The following PFKP variants were observed in gnomAD, a reference collection of about 807,000 sequenced individuals.
PFKP encodes the protein phosphofructokinase, platelet.
A neutral mutation model predicts 94.3 loss-of-function variants in PFKP; 101 were observed. The ratio of observed to expected loss-of-function variants is 1.07; its 90% CI spans 0.91 to 1.26. The LOEUF is 1.26. Among genes scored for constraint, PFKP ranks in the 50% most tolerant of loss-of-function variants. The probability of loss-of-function intolerance (pLI) is 0.00; values close to 1 mark genes in which losing one functional copy is unlikely to be tolerated. For synonymous variants in PFKP, 573 were observed against 432.6 expected (o/e 1.32, Z -4.03); for missense variants, 1,145 against 1,103.3 (o/e 1.04, Z -0.53).
intron 13 of PFKP, among the ~76,000 whole-genome samples, chr10:3,114,024 C>G (rs1836536376): frequency 1.1e-5 from 1 of 94,194 alleles, no homozygotes. Context: ...ATTTTCCTCA[C>G]AAGAAAACCG....
In PFKP at chr10:3,119,992, C is replaced by T. The variant is rs371632060; in HGVS notation, c.1631C>T (p.Pro544Leu). 37 of 1,613,818 alleles carry T rather than the reference C, an allele frequency of 2.3e-5. No individual in the cohort carries two copies. The highest frequency in any genetic ancestry group is 1.6e-4 in the Middle Eastern group (1 of 6,084). The change falls in exon 16 of 22, where the codon CCG becomes CTG. Residue 544 changes from proline (P) to leucine (L), a missense_variant. Transcript: ENST00000381125. The stretch of plus-strand genomic sequence containing the variant: ...CCCGCTACTGTGTCCAACAATGTGC[C>T]GGGTTCCGATTTCAGCATCGGGGCA... ...MVPATVSNNV[P>L]GSDFSIGADT... is the part of the protein sequence containing the mutation.
chr10:3,135,972 A>G lies in PFKP; in HGVS notation c.2225+134A>G, dbSNP rs2131754636. 4 of 639,466 alleles carry G rather than the reference A, an allele frequency of 6.3e-6. No homozygotes were observed. The South Asian group carries it at 7.6e-5, about 12-fold the overall frequency. The allele number at this position is 639,466 out of a possible 1,614,324, so 39.6% of individuals were successfully genotyped here. On this transcript the variant is annotated intron_variant, in intron 21 of 21. Coordinates refer to ENST00000381125, the MANE Select transcript of PFKP (RefSeq NM_002627.5). The stretch of plus-strand genomic sequence containing the variant: ...GCTTTTCTGAAGCTCAGTTAAAAAA[A>G]TACTAGGTCTTGGCTGGGCGCGGTG...
chr10:3,105,415 T>C lies in PFKP; in HGVS notation c.688T>C (p.Leu230=). ...HCGYLALVSA[L]ACGADWVFLP... is the part of the protein sequence containing the mutation. Reference sequence around the variant, plus strand: ...TAGGTACCTGGCCCTGGTGAGTGCCTTGGCCTGCGGTGCGGACTGGGTGTT... The same window carrying C: ...TAGGTACCTGGCCCTGGTGAGTGCCCTGGCCTGCGGTGCGGACTGGGTGTT... Residue 230 remains leucine (L), a synonymous_variant, in exon 7 of 22, where the codon TTG becomes CTG. Coordinates refer to ENST00000381125, the MANE Select transcript of PFKP (RefSeq NM_002627.5). The C allele has an allele frequency of 1.2e-6, 2 of 1,613,926 alleles. No individual in the cohort carries two copies. The highest frequency in any genetic ancestry group is 8.5e-7 in the Non-Finnish European group (1 of 1,179,870).
chr10:3,115,423 CATGGAGGACAGGACTGGGGATGCCGGG>C (rs1836718925), intron 13 of PFKP, among the ~76,000 whole-genome samples: 4 of 48,918 alleles, frequency 8.2e-5, no homozygotes, highest in Admixed American at 2.0e-4. Flanking sequence ...TGTGTCCCGC[CATGGAGGACAGGACTGGGGATGCCGGG>C]GTGAAGGTGT....
At chr10:3,116,700 G>A (rs1836858421) in intron 13 of PFKP, 76 bp from the exon 14 acceptor site, 1 of 1,088,360 alleles carries the variant, frequency 9.2e-7, no homozygotes, top group East Asian at 2.4e-5. Flanking sequence ...GAAAAGTACA[G>A]AAAGCTATTT....
chr10:3,115,467 C>CACA lies in PFKP; in HGVS notation c.1372-1309_1372-1308insACA, dbSNP rs1564327703. Among the ~76,000 whole-genome samples the CACA allele has an allele frequency of 1.2e-3, 15 of 13,010 alleles. 5 individuals carry two copies. Among genetic ancestry groups the CACA allele is most frequent in the African/African-American group, 1.7e-3 (13 of 7,646 alleles). The allele number at this position is 13,010 out of a possible 152,430, so 8.5% of individuals were successfully genotyped here. On this transcript the variant is annotated intron_variant, in intron 13 of 21. Coordinates refer to ENST00000381125, the MANE Select transcript of PFKP (RefSeq NM_002627.5). ...GATGCCGGGGTGAAGGTGTGTGTCC[C>CACA]GCCATGGAGGACAGGACTGGGGATG...
At chr10:3,131,355 T>C (rs910640186) in intron 17 of PFKP, among the ~76,000 whole-genome samples, 2 of 144,030 alleles carry the variant, frequency 1.4e-5, no homozygotes, top group Non-Finnish European at 1.5e-5. Flanking sequence ...CATATCCCCC[T>C]GTTACATGAC....
intron 2 of PFKP, 148 bp from the exon 3 acceptor site, chr10:3,099,127 C>T (rs898854224): frequency 1.5e-6 from 1 of 655,092 alleles, no homozygotes; most frequent in South Asian, 1.8e-5. Context: ...CTGCTTTTAT[C>T]CAGTGCTGGA....
intron 13 of PFKP, among the ~76,000 whole-genome samples, chr10:3,115,070 A>ATG (rs1836650727): frequency 6.6e-6 from 1 of 152,276 alleles, no homozygotes; most frequent in Non-Finnish European, 1.5e-5. Context: ...TGCTAAGTAC[A>ATG]CGCAGGCATA....
At position 3,107,370 on chromosome 10, in the gene PFKP, G is replaced by A. The variant is rs903463905; in HGVS notation, c.870+61G>A. On this transcript the variant is annotated intron_variant, in intron 8 of 21. Transcript: ENST00000381125. The stretch of plus-strand genomic sequence containing the variant: ...CTGCCTGGAAGCAGGGGAGGCTAGC[G>A]TCATGGGCAGGCTTGGTTTAGAACA... 18 of 976,210 alleles carry A rather than the reference G, an allele frequency of 1.8e-5. No individual in the cohort carries two copies. The Middle Eastern group carries it at 6.3e-4, about 34-fold the overall frequency. 60.5% of individuals were successfully genotyped at this position (976,210 alleles called of 1,614,324 possible).
chr10:3,087,984 CTTTT>C (rs1224829610), intron 2 of PFKP, among the ~76,000 whole-genome samples: 2 of 96,620 alleles, frequency 2.1e-5, no homozygotes, highest in African/African-American at 7.8e-5. Flanking sequence ...ATCTTTCATT[CTTTT>C]TTTTTTTTTT....
At chr10:3,136,217 A>AT (rs1348364917) in intron 21 of PFKP, among the ~76,000 whole-genome samples, 1 of 152,164 alleles carries the variant, frequency 6.6e-6, no homozygotes, top group Non-Finnish European at 1.5e-5. Context: ...GTGAGCTGAG[A>AT]TTGCACCACT....
At chr10:3,097,081 A>AAAAAAT (rs1834547415) in intron 2 of PFKP, among the ~76,000 whole-genome samples, 1 of 142,524 alleles carries the variant, frequency 7.0e-6, no homozygotes, top group South Asian at 2.3e-4. Context: ...CCGTCTCAAA[A>AAAAAAT]AAACAAAAAA....
At chr10:3,113,932 T>C (rs575694074) in intron 13 of PFKP, among the ~76,000 whole-genome samples, 16 of 152,296 alleles carry the variant, frequency 1.1e-4, no homozygotes, top group Non-Finnish European at 2.1e-4. Context: ...CACCCCTTGA[T>C]GTGTGCTGTA....
intron 17 of PFKP, among the ~76,000 whole-genome samples, chr10:3,131,314 T>TGA (rs1838560848): frequency 6.6e-6 from 1 of 152,040 alleles, no homozygotes; most frequent in Non-Finnish European, 1.5e-5. Context: ...GCGCAAGGCT[T>TGA]AAGTCACCTA....
Position 3,118,817 on chromosome 10 carries a change from C to A in PFKP, c.1478C>A (p.Thr493Lys). Residue 493 changes from threonine to lysine, a missense_variant, in exon 15 of 22, where the codon ACA (threonine) becomes AAA (lysine). This residue lies in a region of PFKP where 1,119 missense variants were observed against 1,062.8 expected (regional missense o/e 1.05). Transcript: ENST00000381125. ...LPGKYLEEIA[T>K]QMRTHSINAL... is the part of the protein sequence containing the mutation. Reference sequence around the variant, plus strand: ...GGGAAGTACTTGGAAGAGATCGCCACACAGATGCGCACGCACAGCATCAAC... The same window carrying A: ...GGGAAGTACTTGGAAGAGATCGCCAAACAGATGCGCACGCACAGCATCAAC... 1 of 1,613,834 alleles carries A rather than the reference C, an allele frequency of 6.2e-7. No individual in the cohort carries two copies.
chr10:3,094,242 C>A (rs1419014911), intron 2 of PFKP, among the ~76,000 whole-genome samples: 1 of 152,212 alleles, frequency 6.6e-6, no homozygotes, highest in African/African-American at 2.4e-5. Flanking sequence ...CCTGCTGGGG[C>A]TGTTGGTTGT....
chr10:3,135,941 G>C, intron 21 of PFKP, 103 bp downstream of exon 21: 1 of 728,600 alleles, frequency 1.4e-6, no homozygotes. Flanking sequence ...GGGGTTTGAG[G>C]AACTGGCTTT....
rs750065068 is a variant in PFKP, at chr10:3,103,775, G to A, written c.455-4G>A. On this transcript the variant is annotated splice_region_variant and splice_polypyrimidine_tract_variant and intron_variant, in intron 4 of 21. Transcript: ENST00000381125. ...ATGAGACGTGCTGTTTGCTCCCCGCGCAGGCCAGATCGATAAGGAGGCCGT... is the reference window on the plus strand; with the variant it reads ...ATGAGACGTGCTGTTTGCTCCCCGCACAGGCCAGATCGATAAGGAGGCCGT... 29 of 1,613,672 alleles carry A rather than the reference G, an allele frequency of 1.8e-5. No homozygotes were observed. In the African/African-American group the frequency reaches 2.1e-4, roughly 12 times the overall value.
Sources: allele counts gnomAD v4.1 joint callset (sites outside exome capture counted in the v4.1 genomes callset), GRCh38; gene constraint gnomAD v4.1.1; regional missense constraint gnomAD v4.1.1; transcripts MANE v1.5; gene names NCBI Gene and HGNC (gene_info 2026-07-23, HGNC 2026-07-21).